PAK5: variants seen among roughly 807,000 people sequenced by gnomAD.
PAK5 encodes the protein serine/threonine-protein kinase PAK 5.
In PAK5, 16 loss-of-function variants were observed where a neutral mutation model predicts 65.9. The observed-to-expected ratio is 0.24, with a 90% CI of 0.16 to 0.37. PAK5 has a LOEUF of 0.37. Ranked by LOEUF, PAK5 falls within the 10% of genes least tolerant of loss-of-function variation. PAK5 has a pLI of 1.00. For missense variants in PAK5, 785 were observed against 903.9 expected, an observed-to-expected ratio of 0.87 and a Z score of 1.69; for synonymous variants, 371 against 354.9, an observed-to-expected ratio of 1.05 and a Z score of -0.51.
chr20:9,819,919 G>T (rs1048347931), intron 1 of PAK5, among the ~76,000 whole-genome samples: 3 of 152,146 alleles, frequency 2.0e-5, no homozygotes, highest in Admixed American at 1.3e-4. Context: ...GCTGTAGGGG[G>T]GCTGTCCATG....
intron 2 of PAK5, among the ~76,000 whole-genome samples, chr20:9,671,940 T>A (rs1262629912): frequency 6.6e-6 from 1 of 152,130 alleles, no homozygotes; most frequent in Admixed American, 6.6e-5. Flanking sequence ...GTCAAAGAAC[T>A]CCTGATCCTT....
At chr20:9,827,685 GATAAC>G (rs1489544782) in intron 1 of PAK5, among the ~76,000 whole-genome samples, 3 of 152,148 alleles carry the variant, frequency 2.0e-5, no homozygotes, top group African/African-American at 7.2e-5. Flanking sequence ...GTGATACTCA[GATAAC>G]AGAAGATCAT....
At chr20:9,632,664 T>C (rs1282029292) in intron 3 of PAK5, among the ~76,000 whole-genome samples, 2 of 152,208 alleles carry the variant, frequency 1.3e-5, no homozygotes, top group Non-Finnish European at 2.9e-5. Context: ...TCAAAAGCAT[T>C]CCTTACCCAC....
intron 1 of PAK5, among the ~76,000 whole-genome samples, chr20:9,811,475 G>A (rs1227424413): frequency 6.6e-6 from 1 of 152,146 alleles, no homozygotes; most frequent in Admixed American, 6.5e-5. Flanking sequence ...GGGGATATTA[G>A]TCTAATAATA....
intron 6 of PAK5, among the ~76,000 whole-genome samples, chr20:9,561,619 G>GA (rs548324622): frequency 3.3e-5 from 5 of 152,116 alleles, no homozygotes; most frequent in Non-Finnish European, 5.9e-5. Flanking sequence ...TTTCAGTGGA[G>GA]AAAAAACAGC....
At chr20:9,763,886 A>T (rs1277147068) in intron 1 of PAK5, among the ~76,000 whole-genome samples, 1 of 152,192 alleles carries the variant, frequency 6.6e-6, no homozygotes, top group East Asian at 1.9e-4. Context: ...ACACATACAC[A>T]TATAAATATA....
At chr20:9,797,595 G>C (rs1305452180) in intron 1 of PAK5, among the ~76,000 whole-genome samples, 1 of 151,286 alleles carries the variant, frequency 6.6e-6, no homozygotes, top group Non-Finnish European at 1.5e-5. Flanking sequence ...TGTATGCATA[G>C]GTAACAAACT....
At chr20:9,590,764 C>G (rs1315837311) in intron 3 of PAK5, among the ~76,000 whole-genome samples, 1 of 152,202 alleles carries the variant, frequency 6.6e-6, no homozygotes, top group Admixed American at 6.5e-5. Flanking sequence ...GTTCTCCCCA[C>G]TCCTGAAGAA....
chr20:9,574,457 G>A (rs537038090), intron 4 of PAK5, among the ~76,000 whole-genome samples: 2 of 152,176 alleles, frequency 1.3e-5, no homozygotes, highest in South Asian at 2.1e-4. Flanking sequence ...TCTGACCTGC[G>A]ATCCGTCATC....
rs184251018 is a variant in PAK5 at position 9,798,833 on chromosome 20, G to C, written c.-162+39929C>G. ...CACTGGACCAGCAGCATCAGCCTCAGCTGGTAACTTACTAAAAATGGTAAT... is the reference window on the plus strand; with the variant it reads ...CACTGGACCAGCAGCATCAGCCTCACCTGGTAACTTACTAAAAATGGTAAT... On this transcript the variant is annotated intron_variant, in intron 1 of 9. Coordinates refer to ENST00000353224, the MANE Select transcript of PAK5 (RefSeq NM_177990.4). 4.6e-3 allele frequency among the ~76,000 whole-genome samples: 704 copies of C among 152,176 alleles called. 5 individuals are homozygous for C. The highest frequency in any genetic ancestry group is 0.016 in the African/African-American group (665 of 41,532).
Position 9,611,202 on chromosome 20 carries a change from C to T in PAK5, c.205-30272G>A, listed in dbSNP as rs144007571. Among the ~76,000 whole-genome samples, 61 of 152,264 alleles carry T rather than the reference C, an allele frequency of 4.0e-4. 1 individual carries two copies. In the East Asian group the frequency reaches 0.011, roughly 26 times the overall value. On this transcript the variant is annotated intron_variant, in intron 3 of 9. Transcript: ENST00000353224. Reference sequence around the variant, plus strand: ...TGCATAGGCAGAGAAGTGGTAATGCCGGGGAGTAATATGCCACTCTGGAAT... The same window carrying T: ...TGCATAGGCAGAGAAGTGGTAATGCTGGGGAGTAATATGCCACTCTGGAAT...
intron 1 of PAK5, among the ~76,000 whole-genome samples, chr20:9,757,239 T>TCG (rs56887023): frequency 1.3e-5 from 2 of 151,684 alleles, no homozygotes; most frequent in African/African-American, 4.8e-5. Context: ...AAAAAAAAAC[T>TCG]ATTACATATA....
At chr20:9,672,309 T>G (rs2047510838) in intron 2 of PAK5, among the ~76,000 whole-genome samples, 1 of 149,312 alleles carries the variant, frequency 6.7e-6, no homozygotes, top group South Asian at 2.2e-4. Flanking sequence ...GTTATTTTAT[T>G]TAATATACAT....
chr20:9,751,306 C>A (rs2048574536), intron 1 of PAK5, among the ~76,000 whole-genome samples: 1 of 152,096 alleles, frequency 6.6e-6, no homozygotes, highest in South Asian at 2.1e-4. Context: ...TCCTCCATTT[C>A]TCTCCCTCAC....
At chr20:9,614,236 G>T (rs2046614693) in intron 3 of PAK5, among the ~76,000 whole-genome samples, 1 of 152,164 alleles carries the variant, frequency 6.6e-6, no homozygotes, top group Admixed American at 6.5e-5. Context: ...TAGTAGGCTG[G>T]GCACAGCTGA....
chr20:9,661,695 T>C (rs1383244036), intron 2 of PAK5, among the ~76,000 whole-genome samples: 5 of 152,176 alleles, frequency 3.3e-5, no homozygotes, highest in African/African-American at 1.2e-4. Flanking sequence ...CTGTAACCTA[T>C]TGGAAGAGGG....
chr20:9,635,074 T>G (rs2046967478), intron 3 of PAK5, among the ~76,000 whole-genome samples: 1 of 152,246 alleles, frequency 6.6e-6, no homozygotes, highest in Non-Finnish European at 1.5e-5. Flanking sequence ...CTAATGGGTT[T>G]CATTTTATAA....
chr20:9,619,211 C>A (rs2046725757), intron 3 of PAK5, among the ~76,000 whole-genome samples: 1 of 152,138 alleles, frequency 6.6e-6, no homozygotes, highest in Non-Finnish European at 1.5e-5. Context: ...GTGTGAGCCA[C>A]TGTGCCTGGC....
intron 2 of PAK5, among the ~76,000 whole-genome samples, chr20:9,677,343 T>C (rs2047589016): frequency 6.6e-6 from 1 of 151,980 alleles, no homozygotes; most frequent in Admixed American, 6.6e-5. Flanking sequence ...CTAGAGGGAG[T>C]AGAAGAGCTA....
Sources: allele counts gnomAD v4.1 joint callset (sites outside exome capture counted in the v4.1 genomes callset), GRCh38; gene constraint gnomAD v4.1.1; transcripts MANE v1.5; gene names NCBI Gene and HGNC (gene_info 2026-07-23, HGNC 2026-07-21).